The following PTPRM variants were observed in gnomAD, a reference collection of about 807,000 sequenced individuals.
PTPRM encodes the protein protein tyrosine phosphatase receptor type M, also known as receptor-type tyrosine-protein phosphatase mu.
A neutral mutation model predicts 186.7 loss-of-function variants in PTPRM; 47 were observed. The ratio of observed to expected loss-of-function variants is 0.25; its 90% CI spans 0.20 to 0.32. The LOEUF (loss-of-function observed/expected upper bound fraction) is 0.32, where lower values mean the gene tolerates loss of function less well. PTPRM is among the 10% of genes least tolerant of loss of function. PTPRM has a pLI of 1.00. For synonymous variants in PTPRM, 668 were observed against 674.9 expected (o/e 0.99, Z 0.16); for missense variants, 1,494 against 1,865.0 (o/e 0.80, Z 3.66).
At chr18:8,223,329 G>C (rs756892497) in intron 14 of PTPRM, among the ~76,000 whole-genome samples, 1 of 152,162 alleles carries the variant, frequency 6.6e-6, no homozygotes, top group Non-Finnish European at 1.5e-5. Flanking sequence ...GTTAATTCTT[G>C]TGTCTTATCA....
chr18:8,083,563 T>C (rs927419837), intron 9 of PTPRM, among the ~76,000 whole-genome samples: 2 of 152,138 alleles, frequency 1.3e-5, no homozygotes, highest in African/African-American at 4.8e-5. Context: ...ACCCTATTCG[T>C]TTCTTCCATG....
intron 22 of PTPRM, among the ~76,000 whole-genome samples, chr18:8,338,380 A>AAAAC (rs1171181358): frequency 1.3e-5 from 2 of 150,852 alleles, no homozygotes; most frequent in Non-Finnish European, 3.0e-5. Flanking sequence ...CTTAAAAAAA[A>AAAAC]AACACCTTTA....
intron 1 of PTPRM, among the ~76,000 whole-genome samples, chr18:7,720,259 G>A (rs1424129561): frequency 2.6e-5 from 4 of 151,972 alleles, no homozygotes; most frequent in Non-Finnish European, 5.9e-5. Context: ...TACAAAAATA[G>A]GAAGACCTGA....
chr18:8,078,281 C>T (rs2089939748), intron 9 of PTPRM, among the ~76,000 whole-genome samples: 1 of 152,178 alleles, frequency 6.6e-6, no homozygotes, highest in East Asian at 1.9e-4. Flanking sequence ...TTCACCCAGC[C>T]TATGCCAGAG....
At chr18:7,868,043 C>T (rs1217003746) in intron 2 of PTPRM, among the ~76,000 whole-genome samples, 1 of 152,098 alleles carries the variant, frequency 6.6e-6, no homozygotes, top group Admixed American at 6.5e-5. Flanking sequence ...TTTTCAGCTC[C>T]ATCAGGTCAT....
intron 13 of PTPRM, among the ~76,000 whole-genome samples, chr18:8,116,616 T>C (rs1253713164): frequency 6.6e-6 from 1 of 152,198 alleles, no homozygotes; most frequent in African/African-American, 2.4e-5. Context: ...CAATTTACTG[T>C]GAAAACAACA....
chr18:8,025,766 G>T (rs929025999), intron 7 of PTPRM, among the ~76,000 whole-genome samples: 1 of 152,176 alleles, frequency 6.6e-6, no homozygotes, highest in African/African-American at 2.4e-5. Flanking sequence ...ATAAAAACAA[G>T]GATTTGAAGA....
intron 19 of PTPRM, among the ~76,000 whole-genome samples, chr18:8,269,547 T>G (rs1375945413): frequency 6.6e-6 from 1 of 151,918 alleles, no homozygotes; most frequent in African/African-American, 2.4e-5. Context: ...ATTCTAAAAT[T>G]TGTATGGAAC....
chr18:8,251,421 C>G (rs1301032650), intron 17 of PTPRM, among the ~76,000 whole-genome samples: 1 of 152,220 alleles, frequency 6.6e-6, no homozygotes. Flanking sequence ...GGTACTTCAG[C>G]AGGGTTCCTG....
chr18:8,017,608 T>TAAAAAAA (rs2084958774), intron 7 of PTPRM, among the ~76,000 whole-genome samples: 1 of 109,504 alleles, frequency 9.1e-6, no homozygotes, highest in Non-Finnish European at 2.0e-5. Flanking sequence ...AAAAAAAAAT[T>TAAAAAAA]AGAGCGTCCT....
chr18:8,003,159 G>A (rs2083970526), intron 7 of PTPRM, among the ~76,000 whole-genome samples: 1 of 152,134 alleles, frequency 6.6e-6, no homozygotes. Flanking sequence ...CAAGGGCGGG[G>A]CCAGGTGGAG....
intron 17 of PTPRM, among the ~76,000 whole-genome samples, chr18:8,250,806 GAAAA>G (rs927356297): frequency 2.0e-5 from 3 of 148,472 alleles, no homozygotes; most frequent in Non-Finnish European, 4.5e-5. Context: ...AAAAAAAGTA[GAAAA>G]AAAAATTGTT....
At chr18:7,725,422 G>A (rs1051269755) in intron 1 of PTPRM, among the ~76,000 whole-genome samples, 1 of 152,092 alleles carries the variant, frequency 6.6e-6, no homozygotes, top group Non-Finnish European at 1.5e-5. Flanking sequence ...GGCAGAAAAG[G>A]ACGGGTCCCT....
chr18:7,651,093 G>GGC (rs1179937653), intron 1 of PTPRM, among the ~76,000 whole-genome samples: 1 of 151,688 alleles, frequency 6.6e-6, no homozygotes, highest in Non-Finnish European at 1.5e-5. Context: ...CATGACAGCT[G>GGC]GCTAATTTTT....
intron 14 of PTPRM, among the ~76,000 whole-genome samples, chr18:8,238,651 G>GTGTGTTTTTTT (rs539488422): frequency 3.9e-5 from 1 of 25,758 alleles, no homozygotes; most frequent in African/African-American, 1.7e-4. Context: ...TGTTTTGTGT[G>GTGTGTTTTTTT]TTTTTTTTTT....
chr18:7,745,964 A>G (rs2040976673), intron 1 of PTPRM, among the ~76,000 whole-genome samples: 1 of 152,230 alleles, frequency 6.6e-6, no homozygotes, highest in Admixed American at 6.5e-5. Flanking sequence ...AAGAGAGACA[A>G]AGATGGAAAA....
intron 31 of PTPRM, among the ~76,000 whole-genome samples, chr18:8,389,908 A>G (rs1168486486): frequency 2.0e-5 from 3 of 152,196 alleles, no homozygotes; most frequent in Non-Finnish European, 4.4e-5. Context: ...CTTGAGCCAC[A>G]GATATTCAAG....
At position 7,738,688 on chromosome 18, in the gene PTPRM, G is replaced by A. The variant is rs953485283; in HGVS notation, c.74-35461G>A. ...GATCTCCTGACCTCGAGATCCACCC[G>A]CCTCGGCCTCCCAAAGTGCTGGGAT... On this transcript the variant is annotated intron_variant, in intron 1 of 32. Transcript: ENST00000580170. Among the ~76,000 whole-genome samples the A allele has an allele frequency of 2.0e-5, 3 of 151,232 alleles. No homozygotes were observed. The East Asian group carries it at 5.9e-4, about 30-fold the overall frequency.
intron 7 of PTPRM, among the ~76,000 whole-genome samples, chr18:8,047,572 A>G (rs922337509): frequency 1.3e-5 from 2 of 152,176 alleles, no homozygotes; most frequent in African/African-American, 4.8e-5. Flanking sequence ...ATATGTGTGT[A>G]CATGTTTCCC....
Sources: allele counts gnomAD v4.1 joint callset (sites outside exome capture counted in the v4.1 genomes callset), GRCh38; gene constraint gnomAD v4.1.1; transcripts MANE v1.5; gene names NCBI Gene and HGNC (gene_info 2026-07-23, HGNC 2026-07-21).